The following CAST variants were observed in gnomAD, a reference collection of about 807,000 sequenced individuals.
CAST encodes calpastatin, also known as MIR583 host.
A neutral mutation model predicts 119.6 loss-of-function variants in CAST; 76 were observed. That is an observed-to-expected ratio of 0.64 (90% CI 0.53 to 0.77). The LOEUF (loss-of-function observed/expected upper bound fraction) is 0.77, where lower values mean the gene tolerates loss of function less well. CAST is among the 30% of genes least tolerant of loss of function. CAST has a pLI of 0.00. For synonymous variants in CAST, 319 were observed against 331.6 expected (o/e 0.96, Z 0.41); for missense variants, 953 against 946.5 (o/e 1.01, Z -0.09).
the CAST span, among the ~76,000 whole-genome samples, chr5:96,173,964 G>T: frequency 1.3e-5 from 2 of 152,006 alleles, no homozygotes; most frequent in African/African-American, 4.8e-5. Context: ...GGATGGTCTC[G>T]ATCACCTGAC....
chr5:96,680,463 G>A (rs111977797), intron 2 of CAST, among the ~76,000 whole-genome samples: 6,533 of 150,934 alleles, frequency 0.043, 187 homozygotes, highest in Middle Eastern at 0.092. Flanking sequence ...TGTACATCTT[G>A]GTGTATTTTC....
chr5:96,540,412 T>G (rs1745890892), intron 1 of CAST, among the ~76,000 whole-genome samples: 1 of 152,124 alleles, frequency 6.6e-6, no homozygotes, highest in Admixed American at 6.5e-5. Context: ...TTACCTTTAT[T>G]TTTATTCTTG....
chr5:96,613,213 A>G (rs6880943), intron 1 of CAST, among the ~76,000 whole-genome samples: 3,354 of 152,302 alleles, frequency 0.022, 131 homozygotes, highest in African/African-American at 0.069. Context: ...TAAGCTTGTC[A>G]AGTTCAGCAA....
the CAST span, among the ~76,000 whole-genome samples, chr5:96,342,544 C>T: frequency 6.6e-5 from 10 of 152,220 alleles, no homozygotes; most frequent in African/African-American, 2.4e-4. Flanking sequence ...TTCTGCCTAC[C>T]TGCCTTTAAG....
chr5:96,707,239 T>G (rs1228763670), intron 3 of CAST, among the ~76,000 whole-genome samples: 1 of 152,216 alleles, frequency 6.6e-6, no homozygotes, highest in Non-Finnish European at 1.5e-5. Flanking sequence ...TGTTGCTTGG[T>G]CTGTTTTGTT....
chr5:96,653,768 G>C (rs1299257187), intron 1 of CAST, among the ~76,000 whole-genome samples: 5 of 152,020 alleles, frequency 3.3e-5, no homozygotes, highest in Non-Finnish European at 7.4e-5. Flanking sequence ...AAAAGAATTT[G>C]GGGGCCAAAA....
At chr5:96,021,498 T>A in the CAST span, among the ~76,000 whole-genome samples, 1 of 152,030 alleles carries the variant, frequency 6.6e-6, no homozygotes, top group Admixed American at 6.6e-5. Context: ...CAGGCTGGAG[T>A]GCAGTGGCGC....
the CAST span, among the ~76,000 whole-genome samples, chr5:96,002,747 T>A: frequency 2.0e-5 from 3 of 152,226 alleles, no homozygotes; most frequent in African/African-American, 4.8e-5. Flanking sequence ...TGTTAAACAC[T>A]TTTAAGTGAA....
the CAST span, among the ~76,000 whole-genome samples, chr5:96,236,600 A>C: frequency 1.3e-5 from 2 of 152,200 alleles, no homozygotes; most frequent in Non-Finnish European, 2.9e-5. Context: ...GACTATACAA[A>C]TCATTCTCCA....
Position 96,750,512 on chromosome 5 carries a change from T to C in CAST, c.1429-75T>C. On this transcript the variant is annotated intron_variant, in intron 19 of 31. Transcript: ENST00000675179. ...CACCATATAATGTAGCGGAGTGTCT[T>C]GTTGGTCTACCATTACTCAGTCTTA... The C allele has an allele frequency of 3.5e-6, 3 of 867,934 alleles. No individual in the cohort carries two copies. The East Asian group carries it at 7.4e-5, about 21-fold the overall frequency. 53.8% of individuals were successfully genotyped at this position (867,934 alleles called of 1,614,324 possible). A position where few individuals can be genotyped will look rare whatever the true frequency, so the allele number is the denominator to read the frequency against.
the CAST span, among the ~76,000 whole-genome samples, chr5:96,330,646 G>T: frequency 6.6e-6 from 1 of 152,146 alleles, no homozygotes; most frequent in Admixed American, 6.5e-5. Context: ...TCGCTCTAAA[G>T]CTTCCCTTGA....
At chr5:96,155,469 A>G in the CAST span, among the ~76,000 whole-genome samples, 2 of 152,232 alleles carry the variant, frequency 1.3e-5, no homozygotes, top group African/African-American at 4.8e-5. Context: ...TAAAATAGAA[A>G]ACAAAATTTC....
At chr5:96,257,345 G>A in the CAST span, among the ~76,000 whole-genome samples, 5 of 152,134 alleles carry the variant, frequency 3.3e-5, no homozygotes, top group African/African-American at 1.2e-4. Context: ...CTGATCAAAT[G>A]CATTACAAAT....
the CAST span, among the ~76,000 whole-genome samples, chr5:96,187,131 G>A: frequency 1.3e-5 from 2 of 152,068 alleles, no homozygotes; most frequent in Non-Finnish European, 2.9e-5. Flanking sequence ...TCTAATTTGT[G>A]TGCATAGAGG....
intron 1 of CAST, among the ~76,000 whole-genome samples, chr5:96,613,207 C>T (rs931643598): frequency 2.2e-4 from 33 of 152,132 alleles, no homozygotes; most frequent in African/African-American, 7.0e-4. Flanking sequence ...TTGAAATAAG[C>T]TTGTCAAGTT....
chr5:96,228,879 A>G, the CAST span, among the ~76,000 whole-genome samples: 1 of 152,220 alleles, frequency 6.6e-6, no homozygotes, highest in East Asian at 1.9e-4. Flanking sequence ...AATAAAATAT[A>G]TAGGTAATAA....
chr5:96,633,956 A>G (rs1264847843), intron 1 of CAST, among the ~76,000 whole-genome samples: 1 of 152,200 alleles, frequency 6.6e-6, no homozygotes, highest in Non-Finnish European at 1.5e-5. Context: ...GCCAATTAGA[A>G]CAACTCATGA....
At chr5:96,104,310 A>G in the CAST span, among the ~76,000 whole-genome samples, 1 of 152,156 alleles carries the variant, frequency 6.6e-6, no homozygotes, top group African/African-American at 2.4e-5. Context: ...GTCCTTCCCC[A>G]TGCCTATGTC....
At chr5:96,105,787 T>C in the CAST span, among the ~76,000 whole-genome samples, 3 of 152,316 alleles carry the variant, frequency 2.0e-5, no homozygotes, top group East Asian at 3.9e-4. Context: ...TTTGTATTGA[T>C]TGGAATAGTT....
Sources: gnomAD v4.1 joint callset for allele counts (sites outside exome capture counted in the v4.1 genomes callset) on GRCh38, gnomAD v4.1.1 for gene constraint, MANE v1.5 for transcripts, NCBI Gene and HGNC (gene_info 2026-07-23, HGNC 2026-07-21) for gene names.